Variants in TMEM71 observed in about 807,000 individuals in gnomAD.
The protein encoded by TMEM71 is transmembrane protein 71.
In TMEM71, 44 loss-of-function variants were observed where a neutral mutation model predicts 38.0. That is an observed-to-expected ratio of 1.16 (90% confidence interval 0.91 to 1.49). The LOEUF is 1.49. TMEM71 is among the 40% of genes most tolerant of loss of function. TMEM71 has a pLI of 0.00. For missense variants in TMEM71, 367 were observed against 348.6 expected (o/e 1.05, Z -0.42); for synonymous variants, 133 against 122.5 (o/e 1.09, Z -0.56).
intron 5 of TMEM71, among the ~76,000 whole-genome samples, chr8:132,736,230 A>G (rs1827737016): frequency 6.6e-6 from 1 of 152,190 alleles, no homozygotes; most frequent in Non-Finnish European, 1.5e-5. Context: ...CCTACACCTT[A>G]GAAAACATTG....
At chr8:132,718,462 A>T (rs1826658964) in intron 7 of TMEM71, among the ~76,000 whole-genome samples, 1 of 148,630 alleles carries the variant, frequency 6.7e-6, no homozygotes, top group African/African-American at 2.5e-5. Context: ...CAGTGGCACA[A>T]TCTCGGCTCA....
intron 7 of TMEM71, among the ~76,000 whole-genome samples, chr8:132,716,203 G>C (rs1273975991): frequency 1.3e-5 from 2 of 152,206 alleles, no homozygotes; most frequent in African/African-American, 4.8e-5. Flanking sequence ...TCCTGCCCCT[G>C]GCCTCTCCCT....
chr8:132,730,186 GACCTCAGATGATCCACCC>G (rs1290722609), intron 5 of TMEM71, among the ~76,000 whole-genome samples: 2 of 152,040 alleles, frequency 1.3e-5, no homozygotes, highest in Non-Finnish European at 2.9e-5. Flanking sequence ...TTGAACTCCC[GACCTCAGATGATCCACCC>G]ACCTCGGCCT....
chr8:132,766,799 AAAT>A, the TMEM71 span, among the ~76,000 whole-genome samples: 4 of 55,770 alleles, frequency 7.2e-5, 1 homozygote, highest in Non-Finnish European at 1.1e-4. Context: ...AAAAAAATAA[AAAT>A]AAAAAAGATG....
intron 7 of TMEM71, among the ~76,000 whole-genome samples, chr8:132,715,645 C>A (rs907171561): frequency 3.3e-5 from 5 of 152,168 alleles, no homozygotes; most frequent in Non-Finnish European, 4.4e-5. Context: ...TTTGTAGAAG[C>A]TTTATTCAAA....
At chr8:132,738,385 T>G (rs887022739) in intron 5 of TMEM71, among the ~76,000 whole-genome samples, 1 of 152,182 alleles carries the variant, frequency 6.6e-6, no homozygotes, top group Non-Finnish European at 1.5e-5. Context: ...TCTCCCACGT[T>G]CTCACTACTA....
chr8:132,762,872 C>T (rs1465929940), upstream of TMEM71, among the ~76,000 whole-genome samples: 6 of 152,356 alleles, frequency 3.9e-5, no homozygotes, highest in East Asian at 1.9e-4. Flanking sequence ...TTCAACCTCA[C>T]GTAGCCCTAG....
intron 7 of TMEM71, among the ~76,000 whole-genome samples, chr8:132,721,552 CT>C (rs546825682): frequency 0.012 from 1,552 of 133,938 alleles, 13 homozygotes; most frequent in African/African-American, 0.034. Flanking sequence ...TTTTTTTTGT[CT>C]TTTTTTTTTT....
chr8:132,750,206 T>C (rs1828627716), intron 4 of TMEM71, among the ~76,000 whole-genome samples: 1 of 152,194 alleles, frequency 6.6e-6, no homozygotes, highest in Non-Finnish European at 1.5e-5. Flanking sequence ...GGTGCTTCTT[T>C]TCATTGAAAT....
chr8:132,734,488 T>C (rs1001740441), intron 5 of TMEM71, among the ~76,000 whole-genome samples: 1 of 152,096 alleles, frequency 6.6e-6, no homozygotes, highest in Non-Finnish European at 1.5e-5. Context: ...GTAACAACAG[T>C]AAAAAGATGT....
intron 3 of TMEM71, among the ~76,000 whole-genome samples, chr8:132,753,021 T>C (rs577584478): frequency 1.3e-5 from 2 of 151,996 alleles, no homozygotes; most frequent in African/African-American, 2.4e-5. Context: ...GAAAAGAATA[T>C]GTTATGTGTT....
At chr8:132,751,720 G>T in intron 4 of TMEM71, 65 bp downstream of exon 4, 1 of 1,450,584 alleles carries the variant, frequency 6.9e-7, no homozygotes, top group South Asian at 1.1e-5. Context: ...GTGAATAAAT[G>T]AATGAATAAA....
At chr8:132,732,986 T>A (rs1031698177) in intron 5 of TMEM71, among the ~76,000 whole-genome samples, 5 of 152,158 alleles carry the variant, frequency 3.3e-5, no homozygotes, top group Admixed American at 6.5e-5. Context: ...ATCATTAGAG[T>A]CCTTTCGACA....
chr8:132,750,599 G>T (rs1828652866), intron 4 of TMEM71, among the ~76,000 whole-genome samples: 2 of 152,070 alleles, frequency 1.3e-5, no homozygotes, highest in African/African-American at 4.8e-5. Flanking sequence ...AACATGTGTG[G>T]ACTCATTATT....
the TMEM71 span, among the ~76,000 whole-genome samples, chr8:132,774,826 G>T: frequency 2.0e-5 from 3 of 152,200 alleles, no homozygotes; most frequent in African/African-American, 7.2e-5. Flanking sequence ...CTGAGCACGC[G>T]CGTACACACA....
chr8:132,737,895 G>T (rs1827834381), intron 5 of TMEM71, among the ~76,000 whole-genome samples: 2 of 152,090 alleles, frequency 1.3e-5, no homozygotes, highest in South Asian at 4.2e-4. Context: ...TCTCAGATTG[G>T]CTTATGAATT....
intron 7 of TMEM71, among the ~76,000 whole-genome samples, chr8:132,717,783 A>G (rs1426272467): frequency 1.3e-5 from 2 of 152,228 alleles, no homozygotes; most frequent in African/African-American, 4.8e-5. Flanking sequence ...TCCATACAAA[A>G]CTTGTGCACC....
At chr8:132,721,262 A>G (rs1277409507) in intron 7 of TMEM71, among the ~76,000 whole-genome samples, 1 of 152,202 alleles carries the variant, frequency 6.6e-6, no homozygotes, top group African/African-American at 2.4e-5. Context: ...GCAGAGGAAG[A>G]ACATACAGGT....
At chr8:132,765,371 TC>T (rs1222751205), upstream of TMEM71, among the ~76,000 whole-genome samples, 2 of 152,170 alleles carry the variant, frequency 1.3e-5, no homozygotes, top group Non-Finnish European at 2.9e-5. Context: ...TCCCTGCAGA[TC>T]ACTTCCTTCC....
Sources: allele counts gnomAD v4.1 joint callset (sites outside exome capture counted in the v4.1 genomes callset), GRCh38; gene constraint gnomAD v4.1.1; transcripts MANE v1.5; gene names NCBI Gene and HGNC (gene_info 2026-07-23, HGNC 2026-07-21).